GAREM1: variants seen among roughly 807,000 people sequenced by gnomAD.
The protein encoded by GAREM1 is GRB2-associated and regulator of MAPK protein 1.
GAREM1 carries 26 observed loss-of-function variants against 71.3 expected under a neutral mutation model. The ratio of observed to expected loss-of-function variants is 0.36; its 90% CI spans 0.27 to 0.51. The LOEUF (loss-of-function observed/expected upper bound fraction) is 0.51, where lower values mean the gene tolerates loss of function less well. Ranked by LOEUF, GAREM1 falls within the 20% of genes least tolerant of loss-of-function variation. The probability of loss-of-function intolerance (pLI) is 0.95; values close to 1 mark genes in which losing one functional copy is unlikely to be tolerated. For synonymous variants in GAREM1, 440 were observed against 433.2 expected, an observed-to-expected ratio of 1.02 and a Z score of -0.20; for missense variants, 1,026 against 1,103.1, an observed-to-expected ratio of 0.93 and a Z score of 0.99.
intron 4 of GAREM1, among the ~76,000 whole-genome samples, chr18:32,272,274 T>A (rs1414846061): frequency 6.6e-6 from 1 of 152,238 alleles, no homozygotes; most frequent in Non-Finnish European, 1.5e-5. Context: ...GGTAGCCCAG[T>A]AAACCCAACT....
intron 2 of GAREM1, among the ~76,000 whole-genome samples, chr18:32,339,842 G>C (rs923296048): frequency 6.6e-6 from 1 of 152,136 alleles, no homozygotes; most frequent in African/African-American, 2.4e-5. Flanking sequence ...TCCACACATA[G>C]TACCATTAGT....
intron 1 of GAREM1, among the ~76,000 whole-genome samples, chr18:32,404,564 T>C (rs2048348197): frequency 6.6e-6 from 1 of 152,232 alleles, no homozygotes; most frequent in South Asian, 2.1e-4. Context: ...TTCACATTTG[T>C]GTTTCTTTAT....
intron 2 of GAREM1, among the ~76,000 whole-genome samples, chr18:32,333,228 G>C (rs1408717222): frequency 6.6e-6 from 1 of 151,470 alleles, no homozygotes; most frequent in African/African-American, 2.4e-5. Context: ...GTGGAAGAGA[G>C]ACAAGGAAGG....
intron 1 of GAREM1, among the ~76,000 whole-genome samples, chr18:32,394,756 G>A (rs1289874586): frequency 1.3e-5 from 2 of 152,182 alleles, no homozygotes; most frequent in Non-Finnish European, 2.9e-5. Flanking sequence ...GCCCCCTGCT[G>A]AGCATATGCA....
At chr18:32,335,300 C>T (rs922747399) in intron 2 of GAREM1, among the ~76,000 whole-genome samples, 1 of 152,192 alleles carries the variant, frequency 6.6e-6, no homozygotes, top group African/African-American at 2.4e-5. Context: ...GTAATTCACC[C>T]TCCTCTTTTC....
chr18:32,427,890 AAC>A (rs1026566707), intron 1 of GAREM1, among the ~76,000 whole-genome samples: 9 of 152,172 alleles, frequency 5.9e-5, no homozygotes, highest in African/African-American at 2.2e-4. Flanking sequence ...AAAAACTTCC[AAC>A]ACACAATAGC....
chr18:32,315,894 CAG>C (rs1273386725), intron 2 of GAREM1, among the ~76,000 whole-genome samples: 1 of 152,146 alleles, frequency 6.6e-6, no homozygotes. Context: ...GCCTAAATAA[CAG>C]AGTCTTGGTT....
chr18:32,416,708 A>G (rs1568003188), intron 1 of GAREM1, among the ~76,000 whole-genome samples: 1 of 152,194 alleles, frequency 6.6e-6, no homozygotes, highest in Non-Finnish European at 1.5e-5. Flanking sequence ...CTCTTGCCAT[A>G]TACAAAATTC....
At chr18:32,323,260 G>C (rs1332783726) in intron 2 of GAREM1, among the ~76,000 whole-genome samples, 1 of 152,182 alleles carries the variant, frequency 6.6e-6, no homozygotes. Context: ...CAACATCACT[G>C]ATCTAGCTGA....
intron 1 of GAREM1, among the ~76,000 whole-genome samples, chr18:32,394,389 G>A (rs997804581): frequency 2.0e-5 from 3 of 152,072 alleles, no homozygotes; most frequent in Non-Finnish European, 4.4e-5. Context: ...GTAACGGAGC[G>A]AGACCTTATC....
intron 1 of GAREM1, among the ~76,000 whole-genome samples, chr18:32,409,622 G>A (rs2048398798): frequency 6.6e-6 from 1 of 152,110 alleles, no homozygotes; most frequent in South Asian, 2.1e-4. Flanking sequence ...TGAACCCTTG[G>A]ACAAAAGACT....
At chr18:32,364,030 T>TA (rs1197120510) in intron 2 of GAREM1, among the ~76,000 whole-genome samples, 49 of 24,806 alleles carry the variant, frequency 2.0e-3, no homozygotes, top group Non-Finnish European at 3.3e-3. Flanking sequence ...ATATATATGT[T>TA]TTTTTTTTTT....
chr18:32,290,642 GAAAAA>G (rs586596), intron 3 of GAREM1, among the ~76,000 whole-genome samples: 3 of 75,602 alleles, frequency 4.0e-5, no homozygotes, highest in Non-Finnish European at 5.6e-5. Flanking sequence ...CAGACTGTCT[GAAAAA>G]AAAAAAAAAA....
chr18:32,454,187 AC>A (rs1409463238), intron 1 of GAREM1, among the ~76,000 whole-genome samples: 1 of 152,070 alleles, frequency 6.6e-6, no homozygotes, highest in Non-Finnish European at 1.5e-5. Context: ...TGGGACATTC[AC>A]AAAAAGTCCT....
At chr18:32,363,893 G>T (rs2047890685) in intron 2 of GAREM1, among the ~76,000 whole-genome samples, 1 of 136,980 alleles carries the variant, frequency 7.3e-6, no homozygotes, top group African/African-American at 3.0e-5. Context: ...TCATATTTTG[G>T]TCAAGGTTAT....
At chr18:32,307,417 A>T (rs1168414283) in intron 3 of GAREM1, among the ~76,000 whole-genome samples, 1 of 152,190 alleles carries the variant, frequency 6.6e-6, no homozygotes, top group Admixed American at 6.5e-5. Context: ...AGTAAAGAGT[A>T]TTGTTTTTAA....
At chr18:32,346,944 C>T (rs1021881724) in intron 2 of GAREM1, among the ~76,000 whole-genome samples, 3 of 152,162 alleles carry the variant, frequency 2.0e-5, no homozygotes, top group African/African-American at 7.2e-5. Flanking sequence ...TGTGTCGGCA[C>T]CAACTCAGTG....
intron 1 of GAREM1, among the ~76,000 whole-genome samples, chr18:32,445,472 C>A (rs1024152649): frequency 6.0e-5 from 9 of 151,090 alleles, no homozygotes; most frequent in Non-Finnish European, 1.0e-4. Context: ...GGTATATACT[C>A]CCCCCTAGAA....
intron 1 of GAREM1, among the ~76,000 whole-genome samples, chr18:32,427,803 CA>C (rs2048588935): frequency 6.6e-6 from 1 of 151,944 alleles, no homozygotes; most frequent in Admixed American, 6.6e-5. Context: ...TGTGACCTTT[CA>C]AAAAATGCCA....
Sources: gnomAD v4.1 joint callset for allele counts (sites outside exome capture counted in the v4.1 genomes callset) on GRCh38, gnomAD v4.1.1 for gene constraint, MANE v1.5 for transcripts, NCBI Gene and HGNC (gene_info 2026-07-23, HGNC 2026-07-21) for gene names.